Variants in FGF14 observed in about 807,000 individuals in gnomAD.
FGF14 encodes fibroblast growth factor 14.
A neutral mutation model predicts 25.5 loss-of-function variants in FGF14; 5 were observed. That is an observed-to-expected ratio of 0.20 (90% CI 0.10 to 0.41). The LOEUF is 0.41. Ranked by LOEUF, FGF14 falls within the 10% of genes least tolerant of loss-of-function variation. The pLI is 1.00. For missense variants in FGF14, 222 were observed against 320.1 expected (o/e 0.69, Z 2.34); for synonymous variants, 138 against 118.3 (o/e 1.17, Z -1.08).
intron 1 of FGF14, among the ~76,000 whole-genome samples, chr13:102,061,044 G>A (rs1363607372): frequency 6.6e-6 from 1 of 152,262 alleles, no homozygotes; most frequent in Non-Finnish European, 1.5e-5. Flanking sequence ...CTGAGCAGCC[G>A]GACTCCAGGA....
At chr13:102,100,229 C>T (rs1418743800) in intron 1 of FGF14, among the ~76,000 whole-genome samples, 1 of 152,022 alleles carries the variant, frequency 6.6e-6, no homozygotes, top group Non-Finnish European at 1.5e-5. Flanking sequence ...TTCCAAGAGT[C>T]AAAGAAAAAT....
At chr13:102,080,083 T>C (rs2043547927) in intron 1 of FGF14, among the ~76,000 whole-genome samples, 1 of 152,126 alleles carries the variant, frequency 6.6e-6, no homozygotes, top group Non-Finnish European at 1.5e-5. Flanking sequence ...ACTTGCCTCC[T>C]CTTTTCATTG....
At chr13:101,943,822 A>ATATATAT (rs1266549387) in intron 1 of FGF14, among the ~76,000 whole-genome samples, 1 of 122,478 alleles carries the variant, frequency 8.2e-6, no homozygotes, top group African/African-American at 4.9e-5. Flanking sequence ...TAAAAAAAAA[A>ATATATAT]AAAAATATAT....
intron 3 of FGF14, among the ~76,000 whole-genome samples, chr13:101,756,749 A>G (rs1410071828): frequency 2.0e-5 from 3 of 152,062 alleles, no homozygotes; most frequent in African/African-American, 4.8e-5. Flanking sequence ...CCAAAAAAAC[A>G]AAAAACAAAC....
At chr13:102,156,637 C>A (rs1213126492) in intron 1 of FGF14, among the ~76,000 whole-genome samples, 2 of 152,118 alleles carry the variant, frequency 1.3e-5, no homozygotes, top group South Asian at 2.1e-4. Context: ...TCCTATTCAA[C>A]ATAGTGTTGG....
upstream of FGF14, among the ~76,000 whole-genome samples, chr13:101,921,597 T>A (rs559458024): frequency 9.8e-5 from 15 of 152,292 alleles, no homozygotes; most frequent in Admixed American, 3.3e-4. Flanking sequence ...CCTACCACCA[T>A]CATCTTTTGG....
At chr13:101,965,207 T>C (rs35233136) in intron 1 of FGF14, among the ~76,000 whole-genome samples, 28,218 of 150,468 alleles carry the variant, frequency 0.19, 2,945 homozygotes, top group Admixed American at 0.32. Context: ...CGAGATCAAG[T>C]CACTGCACTC....
chr13:101,853,780 C>T (rs1039633229), intron 3 of FGF14, among the ~76,000 whole-genome samples: 10 of 151,966 alleles, frequency 6.6e-5, no homozygotes, highest in Non-Finnish European at 1.3e-4. Context: ...AATATTCCCA[C>T]ACATTATAGC....
At chr13:101,795,491 G>T (rs2040470362) in intron 3 of FGF14, among the ~76,000 whole-genome samples, 1 of 152,036 alleles carries the variant, frequency 6.6e-6, no homozygotes, top group Admixed American at 6.6e-5. Context: ...TGTGAGGTTT[G>T]CTGTCTCCTT....
intron 1 of FGF14, among the ~76,000 whole-genome samples, chr13:102,223,645 T>C (rs1454523108): frequency 6.6e-6 from 1 of 152,202 alleles, no homozygotes; most frequent in Admixed American, 6.5e-5. Flanking sequence ...CACTTAAAAA[T>C]CAACAGGGTC....
chr13:102,199,952 T>G (rs2049539671), intron 1 of FGF14, among the ~76,000 whole-genome samples: 1 of 152,192 alleles, frequency 6.6e-6, no homozygotes, highest in Non-Finnish European at 1.5e-5. Context: ...TGTCCTGGAT[T>G]AAGAAAATAA....
intron 1 of FGF14, among the ~76,000 whole-genome samples, chr13:102,310,963 C>T (rs1432139240): frequency 6.6e-6 from 1 of 152,020 alleles, no homozygotes; most frequent in African/African-American, 2.4e-5. Flanking sequence ...TGTCCTTCTA[C>T]CACACCAGCA....
At chr13:102,124,680 G>A (rs1475231594) in intron 1 of FGF14, among the ~76,000 whole-genome samples, 1 of 152,000 alleles carries the variant, frequency 6.6e-6, no homozygotes, top group Non-Finnish European at 1.5e-5. Context: ...GAGCAGGAGG[G>A]CCAGCACATT....
intron 1 of FGF14, among the ~76,000 whole-genome samples, chr13:102,233,821 G>A (rs1403056099): frequency 6.6e-6 from 1 of 152,182 alleles, no homozygotes; most frequent in Non-Finnish European, 1.5e-5. Context: ...AAAACAATGA[G>A]GTCAGTGAGT....
intron 1 of FGF14, among the ~76,000 whole-genome samples, chr13:102,033,497 G>GCACA (rs71753230): frequency 5.5e-5 from 8 of 145,124 alleles, no homozygotes; most frequent in South Asian, 4.2e-4. Flanking sequence ...GCGTGTGCAC[G>GCACA]CACACACACA....
rs1274709912 is a variant in FGF14 at position 102,053,680 on chromosome 13, C to CACAAGCTCTGGGGTAGACAAAAA, written c.209-178407_209-178385dup. ...TACTGCTTTATAAATGTTTAAGTCT[C>CACAAGCTCTGGGGTAGACAAAAA]ACAAGCTCTGGGGTAGACAAAAATT... On this transcript the variant is annotated intron_variant, in intron 1 of 4. Coordinates refer to the FGF14 transcript ENST00000376131. Among the ~76,000 whole-genome samples, 12 of 152,198 alleles carry CACAAGCTCTGGGGTAGACAAAAA rather than the reference C, an allele frequency of 7.9e-5. No homozygotes were observed. The East Asian group carries it at 2.3e-3, about 29-fold the overall frequency.
chr13:101,823,179 T>C (rs946500860), intron 3 of FGF14, among the ~76,000 whole-genome samples: 5 of 152,022 alleles, frequency 3.3e-5, no homozygotes, highest in Admixed American at 1.3e-4. Context: ...TGAATACAAG[T>C]ATTTGTGTGG....
intron 1 of FGF14, among the ~76,000 whole-genome samples, chr13:102,374,569 A>C (rs1214639051): frequency 6.7e-6 from 1 of 148,398 alleles, no homozygotes; most frequent in African/African-American, 2.5e-5. Flanking sequence ...TTTATTGAAG[A>C]ATAATAAATG....
intron 1 of FGF14, among the ~76,000 whole-genome samples, chr13:102,155,027 C>T (rs1035933023): frequency 2.0e-5 from 3 of 152,100 alleles, no homozygotes; most frequent in African/African-American, 7.2e-5. Context: ...TCCTTAGAGA[C>T]CTATAAAGAG....
Sources: allele counts gnomAD v4.1 joint callset (sites outside exome capture counted in the v4.1 genomes callset), GRCh38; gene constraint gnomAD v4.1.1; transcripts MANE v1.5; gene names NCBI Gene and HGNC (gene_info 2026-07-23, HGNC 2026-07-21).